The following SLC9A9 variants were observed in gnomAD, a reference collection of about 807,000 sequenced individuals.
SLC9A9 encodes sodium/hydrogen exchanger 9.
SLC9A9 carries 62 observed loss-of-function variants against 77.8 expected under a neutral mutation model. That is an observed-to-expected ratio of 0.80 (90% CI 0.65 to 0.98). The LOEUF is 0.98. SLC9A9 is among the 50% of genes least tolerant of loss of function. SLC9A9 has a pLI of 0.00. For missense variants in SLC9A9, 775 were observed against 774.9 expected (o/e 1.00, Z 0.00); for synonymous variants, 320 against 283.5 (o/e 1.13, Z -1.29).
intron 9 of SLC9A9, among the ~76,000 whole-genome samples, chr3:143,509,788 T>C (rs748327447): frequency 1.3e-5 from 2 of 152,198 alleles, no homozygotes; most frequent in Non-Finnish European, 2.9e-5. Context: ...GCAAAAAAAT[T>C]ATATACATAT....
chr3:143,455,679 G>A (rs2035078203), intron 12 of SLC9A9, among the ~76,000 whole-genome samples: 1 of 152,066 alleles, frequency 6.6e-6, no homozygotes. Context: ...ACTATTAGAA[G>A]TGGTATTGAC....
chr3:143,583,644 A>C (rs2037492967), intron 6 of SLC9A9, among the ~76,000 whole-genome samples: 1 of 152,228 alleles, frequency 6.6e-6, no homozygotes, highest in Non-Finnish European at 1.5e-5. Context: ...CAATAATAGT[A>C]CCAACCACAC....
intron 14 of SLC9A9, among the ~76,000 whole-genome samples, chr3:143,270,888 A>T (rs1296949930): frequency 6.6e-6 from 1 of 152,246 alleles, no homozygotes; most frequent in South Asian, 2.1e-4. Context: ...TTATGGTTTG[A>T]CTTTTTATGG....
chr3:143,744,185 CA>C (rs992916409), intron 4 of SLC9A9, among the ~76,000 whole-genome samples: 91 of 152,178 alleles, frequency 6.0e-4, no homozygotes, highest in Middle Eastern at 3.4e-3. Context: ...TTTTAAAGCA[CA>C]AAAAAATTCT....
chr3:143,653,799 T>C (rs1475014222), intron 5 of SLC9A9, among the ~76,000 whole-genome samples: 1 of 152,206 alleles, frequency 6.6e-6, no homozygotes, highest in Non-Finnish European at 1.5e-5. Context: ...AACTCTTACA[T>C]GTTCACTGTC....
chr3:143,512,671 T>C (rs111987416), intron 9 of SLC9A9, among the ~76,000 whole-genome samples: 3,088 of 152,092 alleles, frequency 0.02, 98 homozygotes, highest in African/African-American at 0.069. Flanking sequence ...AGGTCAGGAG[T>C]TCAAGACCAG....
intron 12 of SLC9A9, among the ~76,000 whole-genome samples, chr3:143,444,752 A>G (rs1486215452): frequency 1.3e-5 from 2 of 152,066 alleles, no homozygotes; most frequent in African/African-American, 4.8e-5. Context: ...CCCCATTCCT[A>G]GTTGCTAGCT....
intron 4 of SLC9A9, among the ~76,000 whole-genome samples, chr3:143,708,576 G>T (rs544666845): frequency 6.6e-6 from 1 of 152,214 alleles, no homozygotes; most frequent in African/African-American, 2.4e-5. Context: ...CTCTCAACCT[G>T]TATCCCCAGT....
chr3:143,340,251 A>G (rs758372085), intron 14 of SLC9A9, among the ~76,000 whole-genome samples: 1 of 152,188 alleles, frequency 6.6e-6, no homozygotes, highest in Non-Finnish European at 1.5e-5. Context: ...AAGGAAAAGC[A>G]AATAAATAAA....
rs374147740 is a variant in SLC9A9 at position 143,475,791 on chromosome 3, CAA to C, written c.1316-8603_1316-8602del. 5.1e-3 allele frequency among the ~76,000 whole-genome samples: 662 copies of C among 130,242 alleles called. 3 individuals carry two copies. The highest frequency in any genetic ancestry group is 0.016 in the African/African-American group (538 of 34,052). The allele number at this position is 130,242 out of a possible 152,430, so 85.4% of individuals were successfully genotyped here. On this transcript the variant is annotated intron_variant, in intron 11 of 15. Coordinates refer to ENST00000316549, the MANE Select transcript of SLC9A9 (RefSeq NM_173653.4). ...TGGGCGACAGAGCGAGACTCCATCTCAAAAAAAAAAAAAAAGTACAATTGGAA... is the reference window on the plus strand; with the variant it reads ...TGGGCGACAGAGCGAGACTCCATCTCAAAAAAAAAAAAAGTACAATTGGAA...
intron 9 of SLC9A9, among the ~76,000 whole-genome samples, chr3:143,538,531 C>T (rs1369992819): frequency 6.6e-6 from 1 of 152,116 alleles, no homozygotes; most frequent in African/African-American, 2.4e-5. Flanking sequence ...TCTTTTGTGG[C>T]CCTAGGGAAG....
chr3:143,782,992 G>A (rs771377407), intron 4 of SLC9A9, among the ~76,000 whole-genome samples: 4 of 152,028 alleles, frequency 2.6e-5, no homozygotes, highest in Non-Finnish European at 4.4e-5. Flanking sequence ...CATTCAAACC[G>A]CTCTCAGATC....
intron 2 of SLC9A9, among the ~76,000 whole-genome samples, chr3:143,811,069 G>T (rs1385783910): frequency 2.0e-5 from 3 of 152,142 alleles, no homozygotes; most frequent in Admixed American, 6.5e-5. Flanking sequence ...TCCCCCGGGG[G>T]CAGTGGACCA....
At chr3:143,520,365 G>A (rs552658778) in intron 9 of SLC9A9, among the ~76,000 whole-genome samples, 5 of 152,288 alleles carry the variant, frequency 3.3e-5, no homozygotes, top group African/African-American at 1.2e-4. Flanking sequence ...ATCATGTGCG[G>A]ATACAGCAAC....
intron 2 of SLC9A9, among the ~76,000 whole-genome samples, chr3:143,812,527 T>C (rs1434933568): frequency 6.6e-6 from 1 of 152,234 alleles, no homozygotes; most frequent in Non-Finnish European, 1.5e-5. Flanking sequence ...GAAATCTCTA[T>C]GGCCTCACAA....
At chr3:143,278,249 G>T (rs536968503) in intron 14 of SLC9A9, among the ~76,000 whole-genome samples, 1 of 152,328 alleles carries the variant, frequency 6.6e-6, no homozygotes, top group African/African-American at 2.4e-5. Flanking sequence ...TACCTTCAGT[G>T]CTTACACGGG....
At chr3:143,354,711 A>G (rs1318226345) in intron 14 of SLC9A9, among the ~76,000 whole-genome samples, 1 of 152,222 alleles carries the variant, frequency 6.6e-6, no homozygotes, top group African/African-American at 2.4e-5. Flanking sequence ...ACTAAATTCA[A>G]TACTGGCAGC....
At chr3:143,395,527 C>T (rs562805607) in intron 12 of SLC9A9, among the ~76,000 whole-genome samples, 61 of 152,336 alleles carry the variant, frequency 4.0e-4, no homozygotes, top group African/African-American at 1.4e-3. Flanking sequence ...CCATTCAGAA[C>T]ACAGGCATGG....
chr3:143,459,632 A>G (rs965544879), intron 12 of SLC9A9, among the ~76,000 whole-genome samples: 4 of 152,190 alleles, frequency 2.6e-5, no homozygotes, highest in Admixed American at 1.3e-4. Flanking sequence ...AGACACATGC[A>G]TATACAGCCT....
Sources: allele counts gnomAD v4.1 joint callset (sites outside exome capture counted in the v4.1 genomes callset), GRCh38; gene constraint gnomAD v4.1.1; transcripts MANE v1.5; gene names NCBI Gene and HGNC (gene_info 2026-07-23, HGNC 2026-07-21).